Variants in LRP1B observed in about 807,000 individuals in gnomAD.
The protein encoded by LRP1B is LDL receptor related protein 1B, also known as low-density lipoprotein receptor-related protein 1B.
Under a neutral mutation model 556.6 loss-of-function variants are expected in LRP1B, and 217 were observed. The observed-to-expected ratio is 0.39, with a 90% confidence interval of 0.35 to 0.44. LRP1B has a LOEUF of 0.44. Ranked by LOEUF, LRP1B falls within the 20% of genes least tolerant of loss-of-function variation. The pLI is 1.00. For missense variants in LRP1B, 5,053 were observed against 5,620.8 expected (o/e 0.90, Z 3.23); for synonymous variants, 2,047 against 1,865.8 (o/e 1.10, Z -2.50).
At chr2:141,524,989 C>T (rs1684648604) in intron 2 of LRP1B, among the ~76,000 whole-genome samples, 1 of 152,108 alleles carries the variant, frequency 6.6e-6, no homozygotes, top group African/African-American at 2.4e-5. Context: ...ATCATACAAG[C>T]AGGTCATTTG....
chr2:140,750,957 G>A (rs1005329463), intron 35 of LRP1B, among the ~76,000 whole-genome samples: 8 of 149,524 alleles, frequency 5.4e-5, no homozygotes, highest in Non-Finnish European at 4.4e-5. Flanking sequence ...TAAAATTAGA[G>A]TATTTACCTT....
intron 3 of LRP1B, among the ~76,000 whole-genome samples, chr2:141,293,606 T>G (rs974229771): frequency 4.6e-5 from 7 of 151,828 alleles, no homozygotes; most frequent in African/African-American, 7.3e-5. Flanking sequence ...TTTAATTTGA[T>G]GCCAAAGATC....
At position 141,229,236 on chromosome 2, in the gene LRP1B, TTTG is replaced by T. The variant is rs1408329071; in HGVS notation, c.794_796del (p.Thr265del). The T allele has an allele frequency of 6.2e-7, 1 of 1,613,014 alleles. No homozygotes were observed. Among genetic ancestry groups the T allele is most frequent in the Admixed American group, 1.7e-5 (1 of 59,980 alleles). ...CCATTCATCTGTTAATCCTCCTGCT[TTTG>T]TTATCTGGATACATTTGAGTTGATT... On this transcript the variant is annotated inframe_deletion, in exon 6 of 91. Transcript: ENST00000389484.
At position 141,797,575 on chromosome 2, in the gene LRP1B, G is replaced by A. The variant is rs556480564; in HGVS notation, c.205+12704C>T. Among the ~76,000 whole-genome samples the A allele has an allele frequency of 4.6e-5, 7 of 152,088 alleles. No individual in the cohort carries two copies. In the South Asian group the frequency reaches 6.2e-4, roughly 14 times the overall value. ...ATTCACATAACATAAGGATATGCTC[G>A]ATTCTAAGGTCTTAAGTTTTATTGT... On this transcript the variant is annotated intron_variant, in intron 2 of 90. Transcript: ENST00000389484.
At chr2:140,922,297 C>T (rs13406011) in intron 21 of LRP1B, among the ~76,000 whole-genome samples, 73,671 of 148,108 alleles carry the variant, frequency 0.5, 19,053 homozygotes, top group Middle Eastern at 0.62. Context: ...CACACACACA[C>T]GCACACACGC....
chr2:141,022,968 G>A (rs534622790), intron 11 of LRP1B, among the ~76,000 whole-genome samples: 1 of 151,712 alleles, frequency 6.6e-6, no homozygotes, highest in African/African-American at 2.4e-5. Context: ...CCATTTTCAT[G>A]CATCAATAGG....
chr2:140,761,459 G>A (rs1383315408), intron 35 of LRP1B, among the ~76,000 whole-genome samples: 2 of 152,106 alleles, frequency 1.3e-5, no homozygotes, highest in African/African-American at 4.8e-5. Context: ...CTAATAAATA[G>A]AATATACCAA....
intron 5 of LRP1B, among the ~76,000 whole-genome samples, chr2:141,240,419 C>T (rs773257001): frequency 3.3e-5 from 5 of 151,796 alleles, no homozygotes; most frequent in South Asian, 4.2e-4. Flanking sequence ...TTTTTCCCTC[C>T]GAGGATTTCA....
At chr2:141,334,308 T>C (rs1200040863) in intron 3 of LRP1B, among the ~76,000 whole-genome samples, 2 of 152,172 alleles carry the variant, frequency 1.3e-5, no homozygotes, top group Non-Finnish European at 2.9e-5. Flanking sequence ...AGATATTGAG[T>C]TCCCACAAGA....
intron 2 of LRP1B, among the ~76,000 whole-genome samples, chr2:141,772,913 G>A (rs534067590): frequency 2.7e-4 from 41 of 152,274 alleles, no homozygotes; most frequent in African/African-American, 9.6e-4. Context: ...ACTTAAGGGA[G>A]CCCACAGTTC....
chr2:141,880,420 AAATG>A (rs1483509327), intron 1 of LRP1B, among the ~76,000 whole-genome samples: 1 of 152,088 alleles, frequency 6.6e-6, no homozygotes, highest in Non-Finnish European at 1.5e-5. Context: ...GTGAACCAGT[AAATG>A]AATAAAAACT....
intron 1 of LRP1B, among the ~76,000 whole-genome samples, chr2:141,903,870 G>A (rs912685036): frequency 4.6e-5 from 7 of 152,058 alleles, no homozygotes; most frequent in African/African-American, 1.7e-4. Flanking sequence ...CCAGTTACTT[G>A]TTTAGGGTAA....
chr2:141,914,336 G>C (rs1280199656), intron 1 of LRP1B, among the ~76,000 whole-genome samples: 1 of 152,180 alleles, frequency 6.6e-6, no homozygotes, highest in East Asian at 1.9e-4. Context: ...GAAATATTGA[G>C]TATGAAAAAT....
At chr2:141,467,505 GGCAT>G (rs1682277816) in intron 3 of LRP1B, among the ~76,000 whole-genome samples, 1 of 152,064 alleles carries the variant, frequency 6.6e-6, no homozygotes, top group Admixed American at 6.6e-5. Flanking sequence ...TTTCCCTGAA[GGCAT>G]AAGGTAGATG....
intron 66 of LRP1B, among the ~76,000 whole-genome samples, chr2:140,391,683 AAAAC>A (rs1684027492): frequency 6.6e-6 from 1 of 152,172 alleles, no homozygotes; most frequent in African/African-American, 2.4e-5. Flanking sequence ...AAACAAAACA[AAAAC>A]AAACTTCCTT....
At chr2:141,344,809 G>A (rs1248554537) in intron 3 of LRP1B, among the ~76,000 whole-genome samples, 1 of 152,136 alleles carries the variant, frequency 6.6e-6, no homozygotes, top group Non-Finnish European at 1.5e-5. Flanking sequence ...ATTTGTGAGA[G>A]ACTAGTATTT....
rs138792002 is a variant in LRP1B, at chr2:141,691,535, G to A, written c.205+118744C>T. On this transcript the variant is annotated intron_variant, in intron 2 of 90. Transcript: ENST00000389484. ...CTTAAGGTCTGCCATAGAATAACAG[G>A]CATGATCCCAGCCCTGAAGGATCCC... is the stretch of plus-strand genomic sequence containing the variant. Among the ~76,000 whole-genome samples, 3 of 142,582 alleles carry A rather than the reference G, an allele frequency of 2.1e-5. No homozygotes were observed. The East Asian group carries it at 6.9e-4, about 33-fold the overall frequency. 93.5% of individuals were successfully genotyped at this position (142,582 alleles called of 152,430 possible). A position where few individuals can be genotyped will look rare whatever the true frequency, so the allele number is the denominator to read the frequency against.
intron 10 of LRP1B, among the ~76,000 whole-genome samples, chr2:141,053,299 T>G (rs2105452464): frequency 6.6e-6 from 1 of 152,054 alleles, no homozygotes; most frequent in Non-Finnish European, 1.5e-5. Flanking sequence ...CTGGTATCAA[T>G]CTAATGGAGA....
chr2:140,970,311 G>A (rs527955396), intron 18 of LRP1B, among the ~76,000 whole-genome samples: 17 of 152,010 alleles, frequency 1.1e-4, no homozygotes, highest in Non-Finnish European at 1.8e-4. Flanking sequence ...CCAGTTGATC[G>A]AATCGGCTAC....
Sources: allele counts gnomAD v4.1 joint callset (sites outside exome capture counted in the v4.1 genomes callset), GRCh38; gene constraint gnomAD v4.1.1; transcripts MANE v1.5; gene names NCBI Gene and HGNC (gene_info 2026-07-23, HGNC 2026-07-21).